Variants in RABGAP1L observed in about 807,000 individuals in gnomAD.
RABGAP1L encodes rab GTPase-activating protein 1-like.
RABGAP1L carries 63 observed loss-of-function variants against 137.7 expected under a neutral mutation model. The ratio of observed to expected loss-of-function variants is 0.46; its 90% CI spans 0.37 to 0.56. The LOEUF (loss-of-function observed/expected upper bound fraction) is 0.56. Ranked by LOEUF, RABGAP1L falls within the 20% of genes least tolerant of loss-of-function variation. The pLI is 0.00. For missense variants in RABGAP1L, 1,095 were observed against 1,244.0 expected, an observed-to-expected ratio of 0.88 and a Z score of 1.80; for synonymous variants, 431 against 433.7, an observed-to-expected ratio of 0.99 and a Z score of 0.08.
At position 174,207,833 on chromosome 1, in the gene RABGAP1L, T is replaced by A. The variant is rs570962746; in HGVS notation, c.-33-11292T>A. ...TCTCCTGGTGTGAATTTTGGTACTTTGTGTCTTTTAAGGAACTGGTCTCCT... is the reference window on the plus strand; with the variant it reads ...TCTCCTGGTGTGAATTTTGGTACTTAGTGTCTTTTAAGGAACTGGTCTCCT... On this transcript the variant is annotated intron_variant, in intron 1 of 25. Coordinates refer to ENST00000681986, the MANE Select transcript of RABGAP1L (RefSeq NM_001366446.1). 5.9e-5 allele frequency among the ~76,000 whole-genome samples: 9 copies of A among 152,330 alleles called. No individual in the cohort carries two copies. The South Asian group carries it at 1.0e-3, about 18-fold the overall frequency.
rs1050168358 is a variant in RABGAP1L at position 174,416,033 on chromosome 1, TATAC to T, written c.1710+21890_1710+21893del. On this transcript the variant is annotated intron_variant, in intron 13 of 25. Transcript: ENST00000681986. ...TAGAAAATTTACATATATATATATA[TATAC>T]ACACACATTTTTTTTTTCCTGTTTG... Among the ~76,000 whole-genome samples the T allele has an allele frequency of 3.3e-4, 42 of 127,598 alleles. 2 individuals are homozygous for T. Among genetic ancestry groups the T allele is most frequent in the African/African-American group, 1.5e-3 (39 of 25,200 alleles). 83.7% of individuals were successfully genotyped at this position (127,598 alleles called of 152,430 possible). A position where few individuals can be genotyped will look rare whatever the true frequency, so the allele number is the denominator to read the frequency against.
chr1:174,566,651 T>C (rs1667607236), intron 13 of RABGAP1L, among the ~76,000 whole-genome samples: 1 of 152,188 alleles, frequency 6.6e-6, no homozygotes, highest in African/African-American at 2.4e-5. Context: ...ATTGCAAAAA[T>C]TCCATATGTA....
chr1:174,600,110 A>G (rs1670300571), intron 13 of RABGAP1L, among the ~76,000 whole-genome samples: 1 of 152,216 alleles, frequency 6.6e-6, no homozygotes, highest in Non-Finnish European at 1.5e-5. Context: ...CAGCAAGAGA[A>G]AATGAGAAAG....
At chr1:174,595,899 T>A (rs1173495659) in intron 13 of RABGAP1L, among the ~76,000 whole-genome samples, 1 of 99,396 alleles carries the variant, frequency 1.0e-5, no homozygotes, top group Non-Finnish European at 2.0e-5. Context: ...CGAGCTTCCC[T>A]GCTGCTTTGT....
chr1:174,174,348 C>G lies in RABGAP1L; in HGVS notation c.-34+14691C>G, dbSNP rs1276520159. On this transcript the variant is annotated intron_variant, in intron 1 of 25. Transcript: ENST00000681986. The stretch of plus-strand genomic sequence containing the variant: ...AATAATAATGAAAGTTTGCTGTGCT[C>G]TCTGTTACCAAGAAGACATGAAATA... 2.0e-5 allele frequency among the ~76,000 whole-genome samples: 3 copies of G among 152,148 alleles called. No homozygotes were observed. In the East Asian group the frequency reaches 5.8e-4, roughly 29 times the overall value.
chr1:174,462,956 A>G (rs1444473916), intron 13 of RABGAP1L, among the ~76,000 whole-genome samples: 1 of 152,242 alleles, frequency 6.6e-6, no homozygotes, highest in African/African-American at 2.4e-5. Context: ...TCAAAACCAC[A>G]ATGAGATACC....
At chr1:174,636,844 T>C (rs945685838) in intron 13 of RABGAP1L, among the ~76,000 whole-genome samples, 3 of 152,200 alleles carry the variant, frequency 2.0e-5, no homozygotes, top group African/African-American at 7.2e-5. Context: ...GAATTTATCC[T>C]TGAACACGTG....
chr1:174,822,318 G>C (rs1558116553), intron 19 of RABGAP1L, among the ~76,000 whole-genome samples: 1 of 152,186 alleles, frequency 6.6e-6, no homozygotes, highest in Non-Finnish European at 1.5e-5. Context: ...ATTTGCCACT[G>C]TTTGCCTTTG....
intron 19 of RABGAP1L, among the ~76,000 whole-genome samples, chr1:174,925,087 C>T (rs1662489225): frequency 6.6e-6 from 1 of 151,956 alleles, no homozygotes; most frequent in Non-Finnish European, 1.5e-5. Context: ...GCGGGTGGGC[C>T]GGGCCTGGTG....
At chr1:174,423,721 C>T (rs1651624762) in intron 13 of RABGAP1L, among the ~76,000 whole-genome samples, 1 of 152,100 alleles carries the variant, frequency 6.6e-6, no homozygotes, top group Non-Finnish European at 1.5e-5. Flanking sequence ...CTTTCTCCCT[C>T]CCTTTTTTCC....
intron 18 of RABGAP1L, among the ~76,000 whole-genome samples, chr1:174,762,474 C>CAAG (rs1685304819): frequency 6.6e-6 from 1 of 152,228 alleles, no homozygotes; most frequent in African/African-American, 2.4e-5. Flanking sequence ...TCTGTGCCTT[C>CAAG]TGCAAACTTA....
intron 18 of RABGAP1L, among the ~76,000 whole-genome samples, chr1:174,788,142 G>A (rs1687596749): frequency 6.6e-6 from 1 of 152,134 alleles, no homozygotes; most frequent in African/African-American, 2.4e-5. Context: ...CTTCTGCATG[G>A]TACAGCTTTA....
intron 19 of RABGAP1L, chr1:174,877,525 T>C: frequency 6.2e-7 from 1 of 1,614,116 alleles, no homozygotes; most frequent in South Asian, 1.1e-5. Context: ...TATGGTAGCC[T>C]ATGACGCCCA....
intron 17 of RABGAP1L, among the ~76,000 whole-genome samples, chr1:174,725,479 A>G (rs866815720): frequency 3.3e-5 from 5 of 152,286 alleles, no homozygotes; most frequent in African/African-American, 7.2e-5. Context: ...TTTCTCCCCC[A>G]TAAGTTTTCT....
Position 174,259,504 on chromosome 1 carries a change from A to G in RABGAP1L, c.986+6914A>G, listed in dbSNP as rs76499149. On this transcript the variant is annotated intron_variant, in intron 7 of 25. Transcript: ENST00000681986. ...CTTACTCTCTACTGCTTCTTTTTAA[A>G]TACTTGACTAAATCAATAAAAAGTA... Among the ~76,000 whole-genome samples the G allele has an allele frequency of 7.6e-3, 1,153 of 152,324 alleles. 14 individuals carry two copies. The highest frequency in any genetic ancestry group is 0.027 in the African/African-American group (1,113 of 41,572).
chr1:174,163,710 T>C (rs1319747381), intron 1 of RABGAP1L, among the ~76,000 whole-genome samples: 1 of 151,350 alleles, frequency 6.6e-6, no homozygotes, highest in African/African-American at 2.4e-5. Flanking sequence ...CAGCCAAAAA[T>C]ATATTTAAGA....
chr1:174,925,366 A>C (rs183434828), intron 19 of RABGAP1L, among the ~76,000 whole-genome samples: 2,999 of 148,408 alleles, frequency 0.02, 39 homozygotes, highest in Middle Eastern at 0.073. Flanking sequence ...AAAAAAAAAA[A>C]AAAAAAAAAA....
chr1:174,184,184 T>C (rs1224773668), intron 1 of RABGAP1L, among the ~76,000 whole-genome samples: 2 of 152,172 alleles, frequency 1.3e-5, no homozygotes, highest in East Asian at 3.8e-4. Flanking sequence ...TTCTTTCACC[T>C]AGTAAAATGC....
intron 13 of RABGAP1L, among the ~76,000 whole-genome samples, chr1:174,482,604 C>T (rs1659222163): frequency 1.3e-5 from 2 of 152,172 alleles, no homozygotes; most frequent in African/African-American, 2.4e-5. Flanking sequence ...ATGCTCCTGC[C>T]TTAGCCTCTA....
Sources: allele counts gnomAD v4.1 joint callset (sites outside exome capture counted in the v4.1 genomes callset), GRCh38; gene constraint gnomAD v4.1.1; transcripts MANE v1.5; gene names NCBI Gene and HGNC (gene_info 2026-07-23, HGNC 2026-07-21).